LRP1B: variants seen among roughly 807,000 people sequenced by gnomAD.
LRP1B encodes LDL receptor related protein 1B.
Under a neutral mutation model 556.6 loss-of-function variants are expected in LRP1B, and 217 were observed. The observed-to-expected ratio is 0.39, with a 90% CI of 0.35 to 0.44. The LOEUF is 0.44. LRP1B is among the 20% of genes least tolerant of loss of function. The probability of loss-of-function intolerance (pLI) is 1.00; values close to 1 mark genes in which losing one functional copy is unlikely to be tolerated. For synonymous variants in LRP1B, 2,047 were observed against 1,865.8 expected, an observed-to-expected ratio of 1.10 and a Z score of -2.50; for missense variants, 5,053 against 5,620.8, an observed-to-expected ratio of 0.90 and a Z score of 3.23.
intron 3 of LRP1B, among the ~76,000 whole-genome samples, chr2:141,384,214 G>A (rs1450201740): frequency 6.6e-6 from 1 of 151,794 alleles, no homozygotes; most frequent in Non-Finnish European, 1.5e-5. Context: ...ACGTTAAAAA[G>A]TGAAAACAGG....
intron 29 of LRP1B, among the ~76,000 whole-genome samples, chr2:140,846,829 C>T (rs545586035): frequency 6.6e-6 from 1 of 152,148 alleles, no homozygotes; most frequent in Non-Finnish European, 1.5e-5. Flanking sequence ...AAACAAAGTA[C>T]AATTACTGGT....
chr2:140,475,262 A>T lies in LRP1B; in HGVS notation c.9501T>A (p.Val3167=), dbSNP rs1210008436. The T allele has an allele frequency of 6.2e-7, 1 of 1,612,236 alleles. No individual in the cohort carries two copies. The highest frequency in any genetic ancestry group is 1.1e-5 in the South Asian group (1 of 90,986). The change falls in exon 60 of 91, where the codon GTT becomes GTA. Residue 3167 remains valine (V), a synonymous_variant. Transcript: ENST00000389484. ...GTCTAGAAATCTTGGTTTCTATGAC[A>T]ACACTCTGATTGGTTCCATCCATTC... ...RVGMDGTNQS[V]VIETKISRPM... is the part of the protein sequence containing the mutation.
chr2:142,009,212 C>A (rs975735821), intron 1 of LRP1B, among the ~76,000 whole-genome samples: 1 of 152,108 alleles, frequency 6.6e-6, no homozygotes, highest in Non-Finnish European at 1.5e-5. Flanking sequence ...CAAATAAAGC[C>A]ATTGAATAAG....
intron 3 of LRP1B, among the ~76,000 whole-genome samples, chr2:141,290,157 A>T (rs773978938): frequency 6.6e-6 from 1 of 152,194 alleles, no homozygotes. Context: ...AAGAGAAAGG[A>T]TATTTAAACA....
intron 1 of LRP1B, among the ~76,000 whole-genome samples, chr2:142,102,564 AAAAGT>A: frequency 6.6e-6 from 1 of 151,944 alleles, no homozygotes; most frequent in East Asian, 1.9e-4. Context: ...AAAAAAATAA[AAAAGT>A]AATTACATTC....
intron 82 of LRP1B, among the ~76,000 whole-genome samples, chr2:140,317,744 T>C (rs1377634820): frequency 6.6e-6 from 1 of 152,100 alleles, no homozygotes; most frequent in Non-Finnish European, 1.5e-5. Context: ...AGGATTATTA[T>C]GGGGTACTCA....
At chr2:141,112,757 T>C (rs898070904) in intron 7 of LRP1B, among the ~76,000 whole-genome samples, 7 of 152,218 alleles carry the variant, frequency 4.6e-5, no homozygotes, top group Non-Finnish European at 8.8e-5. Flanking sequence ...TTCAATTGTC[T>C]AGGTAACTTT....
intron 3 of LRP1B, among the ~76,000 whole-genome samples, chr2:141,476,053 G>C (rs1176746851): frequency 6.6e-6 from 1 of 152,122 alleles, no homozygotes; most frequent in African/African-American, 2.4e-5. Context: ...TTTGGGAGTT[G>C]CAGGCACCGA....
In LRP1B at chr2:140,884,449, G is replaced by T. The variant is rs142126908; in HGVS notation, c.3965-428C>A. On this transcript the variant is annotated intron_variant, in intron 24 of 90. Coordinates refer to ENST00000389484, the MANE Select transcript of LRP1B (RefSeq NM_018557.3). ...TAAAATCAAAAGAAAAAGCCCACCA[G>T]AGCTAAGATGCATTCTGGCTAATCA... Among the ~76,000 whole-genome samples, 33 of 152,228 alleles carry T rather than the reference G, an allele frequency of 2.2e-4. No homozygotes were observed. In the East Asian group the frequency reaches 6.4e-3, roughly 30 times the overall value.
chr2:141,675,469 G>A (rs991036482), intron 2 of LRP1B, among the ~76,000 whole-genome samples: 1 of 151,710 alleles, frequency 6.6e-6, no homozygotes, highest in Non-Finnish European at 1.5e-5. Context: ...GAGGCATCAG[G>A]TTTTAATTTT....
chr2:141,830,884 C>T (rs950964973), intron 1 of LRP1B, among the ~76,000 whole-genome samples: 2 of 151,782 alleles, frequency 1.3e-5, no homozygotes, highest in Admixed American at 1.3e-4. Context: ...TCCTGATTTA[C>T]ATCATCTAGA....
intron 87 of LRP1B, among the ~76,000 whole-genome samples, chr2:140,243,162 C>A (rs1681022848): frequency 6.6e-6 from 1 of 150,968 alleles, no homozygotes; most frequent in South Asian, 2.1e-4. Context: ...GACACAGATA[C>A]AGATATATCA....
At chr2:140,685,505 G>C (rs72981806) in intron 41 of LRP1B, among the ~76,000 whole-genome samples, 19 of 152,202 alleles carry the variant, frequency 1.2e-4, no homozygotes, top group Admixed American at 1.2e-3. Flanking sequence ...AACAGGAGAA[G>C]ACAGGCTGGG....
At chr2:142,102,013 T>C (rs1252065422) in intron 1 of LRP1B, among the ~76,000 whole-genome samples, 3 of 151,938 alleles carry the variant, frequency 2.0e-5, no homozygotes, top group Non-Finnish European at 2.9e-5. Context: ...TAGTGCTTTA[T>C]CGTCATATCA....
intron 2 of LRP1B, among the ~76,000 whole-genome samples, chr2:141,572,342 C>T (rs550549499): frequency 4.7e-4 from 71 of 151,978 alleles, no homozygotes; most frequent in Non-Finnish European, 7.4e-4. Context: ...GCTTTATAAG[C>T]GAAGGAGAAA....
At chr2:141,355,072 T>A (rs1277893097) in intron 3 of LRP1B, among the ~76,000 whole-genome samples, 4 of 152,078 alleles carry the variant, frequency 2.6e-5, no homozygotes, top group African/African-American at 9.7e-5. Flanking sequence ...TAATTAATAA[T>A]GTGTGGTAAG....
chr2:141,274,501 C>A (rs1449285489), intron 3 of LRP1B, among the ~76,000 whole-genome samples: 1 of 152,014 alleles, frequency 6.6e-6, no homozygotes, highest in African/African-American at 2.4e-5. Flanking sequence ...CCAGGATAGA[C>A]AAAGCAGTAG....
chr2:141,573,772 C>G (rs1160648438), intron 2 of LRP1B, among the ~76,000 whole-genome samples: 5 of 152,000 alleles, frequency 3.3e-5, no homozygotes, highest in African/African-American at 1.2e-4. Context: ...GATATCACCA[C>G]TGATCCCACA....
intron 79 of LRP1B, among the ~76,000 whole-genome samples, chr2:140,328,924 T>A (rs1264752687): frequency 6.6e-6 from 1 of 152,104 alleles, no homozygotes. Flanking sequence ...GACATTATGT[T>A]GGCCAACAAA....
Sources: gnomAD v4.1 joint callset for allele counts (sites outside exome capture counted in the v4.1 genomes callset) on GRCh38, gnomAD v4.1.1 for gene constraint, MANE v1.5 for transcripts, NCBI Gene and HGNC (gene_info 2026-07-23, HGNC 2026-07-21) for gene names.